CPNE8: variants seen among roughly 807,000 people sequenced by gnomAD.
The protein encoded by CPNE8 is copine 8.
CPNE8 carries 45 observed loss-of-function variants against 81.5 expected under a neutral mutation model. The observed-to-expected ratio is 0.55, with a 90% CI of 0.44 to 0.71. The LOEUF (loss-of-function observed/expected upper bound fraction) is 0.71, where lower values mean the gene tolerates loss of function less well. Among genes scored for constraint, CPNE8 ranks in the 30% least tolerant of loss-of-function variants. The probability of loss-of-function intolerance (pLI) is 0.00; values close to 1 mark genes in which losing one functional copy is unlikely to be tolerated. For missense variants in CPNE8, 594 were observed against 672.1 expected, an observed-to-expected ratio of 0.88 and a Z score of 1.28; for synonymous variants, 252 against 226.3, an observed-to-expected ratio of 1.11 and a Z score of -1.02.
intron 3 of CPNE8, among the ~76,000 whole-genome samples, chr12:38,850,834 A>T (rs922342706): frequency 2.6e-5 from 4 of 152,204 alleles, no homozygotes; most frequent in Admixed American, 6.5e-5. Flanking sequence ...TTCTCTATAC[A>T]ATCACTTTTT....
intron 6 of CPNE8, among the ~76,000 whole-genome samples, chr12:38,798,481 T>G: frequency 6.6e-6 from 1 of 151,762 alleles, no homozygotes; most frequent in Non-Finnish European, 1.5e-5. Flanking sequence ...ATAAAATACT[T>G]TACAGACAAG....
At chr12:38,896,780 T>C (rs919316268) in intron 1 of CPNE8, among the ~76,000 whole-genome samples, 1 of 152,122 alleles carries the variant, frequency 6.6e-6, no homozygotes, top group African/African-American at 2.4e-5. Flanking sequence ...TTAATCAGCA[T>C]GGGATAACAT....
At chr12:38,896,617 T>C (rs966030309) in intron 1 of CPNE8, among the ~76,000 whole-genome samples, 3 of 152,164 alleles carry the variant, frequency 2.0e-5, no homozygotes, top group Non-Finnish European at 4.4e-5. Flanking sequence ...TTGGTTATTA[T>C]AGCAGACTAC....
At chr12:38,876,740 TAATAG>T (rs1030758274) in intron 1 of CPNE8, among the ~76,000 whole-genome samples, 2 of 152,214 alleles carry the variant, frequency 1.3e-5, no homozygotes, top group Non-Finnish European at 2.9e-5. Context: ...CATATGAATA[TAATAG>T]AATAGATTAT....
At chr12:38,849,382 A>G (rs1943607546) in intron 3 of CPNE8, among the ~76,000 whole-genome samples, 1 of 151,914 alleles carries the variant, frequency 6.6e-6, no homozygotes, top group Non-Finnish European at 1.5e-5. Flanking sequence ...TAAAATTTAC[A>G]TCTCTTTTCT....
At chr12:38,885,629 T>C (rs1375129701) in intron 1 of CPNE8, among the ~76,000 whole-genome samples, 1 of 152,162 alleles carries the variant, frequency 6.6e-6, no homozygotes, top group Non-Finnish European at 1.5e-5. Context: ...GTATTATCTA[T>C]TTCAATCTTT....
At chr12:38,731,614 A>G (rs937426886) in intron 10 of CPNE8, among the ~76,000 whole-genome samples, 2 of 151,904 alleles carry the variant, frequency 1.3e-5, no homozygotes, top group Non-Finnish European at 2.9e-5. Context: ...CTTTATATCA[A>G]TAGCATTTTG....
At position 38,874,354 on chromosome 12, in the gene CPNE8, G is replaced by A. The variant is rs979700973; in HGVS notation, c.139+117C>T. ...GGGTTGATGAGTATGTAGGGCTTGG[G>A]ACCATTCTCCTGTTGCTTTCTAGGC... is the stretch of plus-strand genomic sequence containing the variant. On this transcript the variant is annotated intron_variant, in intron 2 of 19. Coordinates refer to ENST00000331366, the MANE Select transcript of CPNE8 (RefSeq NM_153634.3). 5 of 730,908 alleles carry A rather than the reference G, an allele frequency of 6.8e-6. No homozygotes were observed. In the African/African-American group the frequency reaches 7.1e-5, roughly 10 times the overall value. The allele number at this position is 730,908 out of a possible 1,614,324, so 45.3% of individuals were successfully genotyped here. A position where few individuals can be genotyped will look rare whatever the true frequency, so the allele number is the denominator to read the frequency against.
At chr12:38,827,108 G>A (rs181025362) in intron 6 of CPNE8, among the ~76,000 whole-genome samples, 131 of 150,750 alleles carry the variant, frequency 8.7e-4, no homozygotes, top group Non-Finnish European at 1.6e-3. Context: ...TTGAACCCGG[G>A]AGGCAGAGGT....
intron 10 of CPNE8, among the ~76,000 whole-genome samples, chr12:38,734,425 T>C (rs1474905608): frequency 6.6e-6 from 1 of 152,074 alleles, no homozygotes; most frequent in African/African-American, 2.4e-5. Context: ...AATGTCCCCA[T>C]GTAATTACAA....
At chr12:38,796,016 T>C (rs1268359197) in intron 6 of CPNE8, among the ~76,000 whole-genome samples, 1 of 152,140 alleles carries the variant, frequency 6.6e-6, no homozygotes, top group Admixed American at 6.5e-5. Context: ...ATCCCAGCAC[T>C]TTGAGAGGCC....
intron 6 of CPNE8, among the ~76,000 whole-genome samples, chr12:38,820,457 T>C (rs1943095491): frequency 6.6e-6 from 1 of 152,038 alleles, no homozygotes; most frequent in Non-Finnish European, 1.5e-5. Flanking sequence ...CTGAATAAAT[T>C]AGTTTTATTT....
chr12:38,660,564 T>C (rs1938929136), intron 19 of CPNE8, among the ~76,000 whole-genome samples: 1 of 152,046 alleles, frequency 6.6e-6, no homozygotes, highest in Non-Finnish European at 1.5e-5. Flanking sequence ...GAATAAAGAC[T>C]TCATGACTAA....
At chr12:38,726,745 A>G (rs978278911) in intron 11 of CPNE8, among the ~76,000 whole-genome samples, 2 of 152,208 alleles carry the variant, frequency 1.3e-5, no homozygotes, top group Admixed American at 6.5e-5. Flanking sequence ...TTGGTTTAGA[A>G]GAGGTTTTTC....
chr12:38,734,470 T>G (rs1045184904), intron 10 of CPNE8, among the ~76,000 whole-genome samples: 1 of 152,088 alleles, frequency 6.6e-6, no homozygotes, highest in Non-Finnish European at 1.5e-5. Context: ...TTGCCATTTT[T>G]GGCACATCTG....
At chr12:38,793,665 T>A (rs1942382598) in intron 6 of CPNE8, among the ~76,000 whole-genome samples, 1 of 151,974 alleles carries the variant, frequency 6.6e-6, no homozygotes, top group Non-Finnish European at 1.5e-5. Context: ...AGATTTTATG[T>A]AATTCCTACC....
intron 6 of CPNE8, among the ~76,000 whole-genome samples, chr12:38,795,678 A>C (rs749341555): frequency 1.3e-5 from 2 of 152,200 alleles, no homozygotes; most frequent in Non-Finnish European, 2.9e-5. Flanking sequence ...AAATTTATAG[A>C]AAGAGAAAGT....
At chr12:38,670,944 A>C (rs942029679) in intron 18 of CPNE8, 142 bp from the exon 19 acceptor site, 2 of 554,208 alleles carry the variant, frequency 3.6e-6, no homozygotes, top group African/African-American at 3.9e-5. Flanking sequence ...TCATGTCTTC[A>C]TTCATTTCTC....
chr12:38,811,798 T>C (rs1996879), intron 6 of CPNE8, among the ~76,000 whole-genome samples: 138,667 of 152,228 alleles, frequency 0.91, 63,297 homozygotes, highest in Non-Finnish European at 0.93. Context: ...GTTGAGCCCA[T>C]GAGTTCGAGG....
Sources: allele counts gnomAD v4.1 joint callset (sites outside exome capture counted in the v4.1 genomes callset), GRCh38; gene constraint gnomAD v4.1.1; transcripts MANE v1.5; gene names NCBI Gene and HGNC (gene_info 2026-07-23, HGNC 2026-07-21).